The following ITSN1 variants were observed in gnomAD, a reference collection of about 807,000 sequenced individuals.
ITSN1 encodes the protein intersectin 1, also known as intersectin-1.
A neutral mutation model predicts 239.8 loss-of-function variants in ITSN1; 58 were observed. The ratio of observed to expected loss-of-function variants is 0.24; its 90% confidence interval spans 0.20 to 0.30. The LOEUF is 0.30. Ranked by LOEUF, ITSN1 falls within the 10% of genes least tolerant of loss-of-function variation. The pLI, the probability that ITSN1 is intolerant of heterozygous loss-of-function variation, is 1.00. For synonymous variants in ITSN1, 780 were observed against 770.8 expected, an observed-to-expected ratio of 1.01 and a Z score of -0.20; for missense variants, 1,558 against 2,103.3, an observed-to-expected ratio of 0.74 and a Z score of 5.07.
At chr21:33,846,873 C>G (rs2075005389) in intron 29 of ITSN1, among the ~76,000 whole-genome samples, 2 of 152,198 alleles carry the variant, frequency 1.3e-5, no homozygotes. Context: ...GAAAAGACCC[C>G]AAAACAGGAA....
rs200116329 is a variant in ITSN1, at chr21:33,819,282, G to A, written c.2975G>A (p.Arg992Gln). The stretch of plus-strand genomic sequence containing the variant: ...TCAGAGAGTCCTGCTAGTCTAAAGC[G>A]AGTAGCCTCTCCAGCAGCCAAGCCG... ...GSSESPASLKRVASPAAKPVV... is the reference protein window; with the variant it reads ...GSSESPASLKQVASPAAKPVV... The change falls in exon 24 of 40, where the codon CGA becomes CAA. Residue 992 changes from arginine (R) to glutamine (Q), a missense_variant. Coordinates refer to ENST00000381318, the MANE Select transcript of ITSN1 (RefSeq NM_003024.3). 6.9e-5 allele frequency: 111 copies of A among 1,613,944 alleles called. No individual in the cohort carries two copies. In the African/African-American group the frequency reaches 7.9e-4, roughly 11 times the overall value.
intron 5 of ITSN1, among the ~76,000 whole-genome samples, chr21:33,743,916 A>G (rs1178484761): frequency 6.6e-6 from 1 of 152,252 alleles, no homozygotes; most frequent in Non-Finnish European, 1.5e-5. Context: ...TAGAAAAAAC[A>G]GACAAAACGT....
In ITSN1 at chr21:33,734,799, A is replaced by G. The variant is rs1014953152; in HGVS notation, c.186-245A>G. Among the ~76,000 whole-genome samples, 14 of 152,320 alleles carry G rather than the reference A, an allele frequency of 9.2e-5. No homozygotes were observed. The East Asian group carries it at 2.3e-3, about 25-fold the overall frequency. On this transcript the variant is annotated intron_variant, in intron 4 of 39. Transcript: ENST00000381318. ...AACCCCTTTTGATGTCTAAAGTACA[A>G]ATCCTCACACTGAGGCTGAAAATTA...
Position 33,774,815 on chromosome 21 carries a change from A to G in ITSN1, c.1392A>G (p.Glu464=), listed in dbSNP as rs1361385190. The part of the protein sequence containing the change: ...RQELLNQRNK[E]QEDIVVLKAK... The stretch of plus-strand genomic sequence containing the variant: ...AACTACTAAATCAAAGAAACAAAGA[A>G]CAAGAGGACATAGTTGTACTGAAAG... Residue 464 remains glutamate (E), a synonymous_variant, in exon 13 of 40, where the codon GAA becomes GAG. Transcript: ENST00000381318. The G allele has an allele frequency of 1.2e-6, 2 of 1,614,084 alleles. No individual in the cohort carries two copies. The highest frequency in any genetic ancestry group is 1.7e-6 in the Non-Finnish European group (2 of 1,179,940).
intron 1 of ITSN1, among the ~76,000 whole-genome samples, chr21:33,651,663 CT>C (rs1302444398): frequency 6.6e-6 from 1 of 151,962 alleles, no homozygotes; most frequent in Admixed American, 6.6e-5. Context: ...ATTTTGTTTC[CT>C]TTTTTTAGTG....
chr21:33,734,264 A>T (rs868335337), intron 4 of ITSN1, among the ~76,000 whole-genome samples: 2 of 152,172 alleles, frequency 1.3e-5, no homozygotes, highest in East Asian at 3.8e-4. Flanking sequence ...TGCTTACTTG[A>T]TCTTAGCCAA....
intron 27 of ITSN1, among the ~76,000 whole-genome samples, chr21:33,830,791 G>A (rs1453130445): frequency 6.6e-6 from 1 of 150,936 alleles, no homozygotes; most frequent in African/African-American, 2.4e-5. Flanking sequence ...TTATATAAGA[G>A]AATATTCTTA....
intron 7 of ITSN1, 86 bp downstream of exon 7, chr21:33,751,992 C>G (rs1040788162): frequency 2.2e-6 from 2 of 896,808 alleles, no homozygotes; most frequent in Non-Finnish European, 3.6e-6. Flanking sequence ...CATCTATATT[C>G]TTTTTGTTGT....
At chr21:33,806,585 C>T (rs1272327349) in intron 20 of ITSN1, among the ~76,000 whole-genome samples, 1 of 152,186 alleles carries the variant, frequency 6.6e-6, no homozygotes, top group Non-Finnish European at 1.5e-5. Flanking sequence ...GTTGCATCAG[C>T]GAGCTACAAT....
intron 4 of ITSN1, among the ~76,000 whole-genome samples, chr21:33,732,733 A>G (rs1327760966): frequency 1.3e-5 from 2 of 152,208 alleles, no homozygotes; most frequent in African/African-American, 2.4e-5. Context: ...GTCTGGTAGG[A>G]TAGCTAAATA....
chr21:33,881,281 C>T (rs1035911125), intron 34 of ITSN1, among the ~76,000 whole-genome samples: 3 of 152,040 alleles, frequency 2.0e-5, no homozygotes, highest in African/African-American at 4.8e-5. Flanking sequence ...GTCGCGAGCA[C>T]CTGTAGTCCC....
chr21:33,751,662 G>A, intron 6 of ITSN1, 148 bp from the exon 7 acceptor site: 2 of 626,132 alleles, frequency 3.2e-6, no homozygotes. Flanking sequence ...CAGAGGGTAA[G>A]GAGGGAAAAG....
At chr21:33,735,789 G>A (rs1222555962) in intron 5 of ITSN1, among the ~76,000 whole-genome samples, 2 of 152,116 alleles carry the variant, frequency 1.3e-5, no homozygotes, top group African/African-American at 4.8e-5. Flanking sequence ...GATCACCTGA[G>A]GTCAGGAGTT....
chr21:33,869,255 A>G (rs1467741923), intron 33 of ITSN1, among the ~76,000 whole-genome samples: 1 of 152,240 alleles, frequency 6.6e-6, no homozygotes, highest in East Asian at 1.9e-4. Flanking sequence ...GGACTCAGGA[A>G]ACTTACAATC....
intron 25 of ITSN1, 103 bp from the exon 26 acceptor site, chr21:33,826,715 T>C: frequency 3.2e-6 from 3 of 948,638 alleles, no homozygotes; most frequent in Non-Finnish European, 5.1e-6. Flanking sequence ...GAATGAAAAG[T>C]GGGGCTTTGG....
intron 16 of ITSN1, among the ~76,000 whole-genome samples, chr21:33,792,043 CTTTA>C (rs913541152): frequency 1.1e-4 from 17 of 151,778 alleles, no homozygotes; most frequent in Non-Finnish European, 1.6e-4. Context: ...TAAATAAATA[CTTTA>C]TTTGTTTGTT....
chr21:33,771,638 C>T (rs2069168812), intron 11 of ITSN1, among the ~76,000 whole-genome samples: 1 of 152,174 alleles, frequency 6.6e-6, no homozygotes, highest in Non-Finnish European at 1.5e-5. Flanking sequence ...GAATGCTCAC[C>T]TTTCACTCTG....
chr21:33,801,372 G>C (rs916271957), intron 19 of ITSN1, among the ~76,000 whole-genome samples: 20 of 152,320 alleles, frequency 1.3e-4, no homozygotes, highest in African/African-American at 4.6e-4. Flanking sequence ...TTGGCACTTA[G>C]AGAAATGAAT....
rs1179001631 is a variant in ITSN1, at chr21:33,781,545, C to T, written c.1681C>T (p.His561Tyr). ...QLKQVQQNSL[H>Y]RDSLVTLKRA... ...AAAACAAGTTCAGCAGAACAGTTTGCACAGTAGGTGTTTTATTTTTAAAGT... is the reference window on the plus strand; with the variant it reads ...AAAACAAGTTCAGCAGAACAGTTTGTACAGTAGGTGTTTTATTTTTAAAGT... The change falls in exon 15 of 40, where the codon CAC becomes TAC. Residue 561 changes from histidine (H) to tyrosine (Y), a missense_variant. This residue lies in a region of ITSN1 where 982 missense variants were observed against 1,209.9 expected (regional missense o/e 0.81). Transcript: ENST00000381318. 3 of 1,505,232 alleles carry T rather than the reference C, an allele frequency of 2.0e-6. No individual in the cohort carries two copies. Among genetic ancestry groups the T allele is most frequent in the East Asian group, 4.8e-5 (2 of 41,656 alleles). 93.2% of individuals were successfully genotyped at this position (1,505,232 alleles called of 1,614,324 possible). A position where few individuals can be genotyped will look rare whatever the true frequency, so the allele number is the denominator to read the frequency against.
Sources: allele counts gnomAD v4.1 joint callset (sites outside exome capture counted in the v4.1 genomes callset), GRCh38; gene constraint gnomAD v4.1.1; regional missense constraint gnomAD v4.1.1; transcripts MANE v1.5; gene names NCBI Gene and HGNC (gene_info 2026-07-23, HGNC 2026-07-21).